Variants in MIER2 observed in about 807,000 individuals in gnomAD.
MIER2 encodes mesoderm induction early response protein 2.
A neutral mutation model predicts 67.6 loss-of-function variants in MIER2; 30 were observed. The observed-to-expected ratio is 0.44, with a 90% CI of 0.33 to 0.60. The LOEUF is 0.60. Ranked by LOEUF, MIER2 falls within the 20% of genes least tolerant of loss-of-function variation. MIER2 has a pLI of 0.02. For synonymous variants in MIER2, 372 were observed against 312.6 expected (o/e 1.19, Z -2.00); for missense variants, 702 against 745.1 (o/e 0.94, Z 0.67).
chr19:306,844 G>T, intron 13 of MIER2, 133 bp from the exon 14 acceptor site: 1 of 1,406,188 alleles, frequency 7.1e-7, no homozygotes, highest in Non-Finnish European at 9.8e-7. Flanking sequence ...CCGGGCCCGG[G>T]GTGCCCTGAG....
At chr19:344,710 C>A in intron 1 of MIER2, 64 bp downstream of exon 1, 1 of 1,054,334 alleles carries the variant, frequency 9.5e-7, no homozygotes, top group Non-Finnish European at 1.2e-6. Flanking sequence ...GAGGCCGAGC[C>A]ACGGCGGCGG....
chr19:326,584 CA>C lies in MIER2; in HGVS notation c.507del (p.Asp170MetfsTer43). 6.2e-7 allele frequency: 1 copy of C among 1,614,084 alleles called. No homozygotes were observed. Among genetic ancestry groups the C allele is most frequent in the Non-Finnish European group, 8.5e-7 (1 of 1,179,960 alleles). On this transcript the variant is annotated frameshift_variant, in exon 6 of 14. Transcript: ENST00000264819. LOFTEE classifies it high-confidence loss of function. ...FPNRSGSRFL[A>X]DEDREPGSSA... ...GAAGAGCCAGGCTCTCTGTCTTCAT[CA>C]GCCAGGAAACGAGCTTTGGGAAAAC... is the stretch of plus-strand genomic sequence containing the variant.
At chr19:329,291 A>G (rs1255803149) in intron 3 of MIER2, among the ~76,000 whole-genome samples, 1 of 152,216 alleles carries the variant, frequency 6.6e-6, no homozygotes, top group African/African-American at 2.4e-5. Flanking sequence ...GACCCCGTGG[A>G]AAGAACAGAT....
chr19:308,594 A>G lies in MIER2; in HGVS notation c.1181T>C (p.Leu394Pro), dbSNP rs2145328097. 6.2e-7 allele frequency: 1 copy of G among 1,605,946 alleles called. No homozygotes were observed. The highest frequency in any genetic ancestry group is 1.3e-5 in the African/African-American group (1 of 74,958). Residue 394 changes from leucine to proline, a missense_variant, in exon 12 of 14, where the codon CTG becomes CCG. Physicochemically the swap from Leu to Pro is moderately conservative, Grantham distance 98. Coordinates refer to ENST00000264819, the MANE Select transcript of MIER2 (RefSeq NM_017550.3). This position sits in a 1 kb window ranked among gnomAD's most constrained non-coding sequence, Gnocchi z 9.1. The part of the protein sequence containing the change: ...PGRPRPEQDT[L>P]TGMRTDPLSV... The stretch of plus-strand genomic sequence containing the variant: ...AGCCTCACCTGTGCGCATCCCAGTC[A>G]GGGTGTCTTGCTCCGGGCGCGGACG...
intron 2 of MIER2, among the ~76,000 whole-genome samples, chr19:335,268 G>A (rs1279231853): frequency 6.6e-6 from 1 of 152,228 alleles, no homozygotes; most frequent in African/African-American, 2.4e-5. Context: ...TCCAGGGCAC[G>A]AGGCCTCTAG....
At chr19:320,874 G>A (rs775805321) in intron 7 of MIER2, among the ~76,000 whole-genome samples, 7 of 152,206 alleles carry the variant, frequency 4.6e-5, no homozygotes, top group African/African-American at 7.2e-5. Context: ...CAGAGCTTGC[G>A]CCTGAGTGGA....
Position 306,612 on chromosome 19 carries a change from T to A in MIER2, c.*78A>T, listed in dbSNP as rs951526960. 6.5e-7 allele frequency: 1 copy of A among 1,536,512 alleles called. No homozygotes were observed. The highest frequency in any genetic ancestry group is 8.8e-7 in the Non-Finnish European group (1 of 1,135,396). ...CAAGGCCCGGGGGGTGGGGAAGGGG[T>A]CAGGAAGACTGACAGAGGCGGGCCC... On this transcript the variant is annotated 3_prime_UTR_variant, in exon 14 of 14. Transcript: ENST00000264819.
rs1355522549 is a variant in MIER2, at chr19:308,404, G to C, written c.1198+173C>G. 6.6e-6 allele frequency among the ~76,000 whole-genome samples: 1 copy of C among 152,146 alleles called. No homozygotes were observed. The highest frequency in any genetic ancestry group is 2.4e-5 in the African/African-American group (1 of 41,430). On this transcript the variant is annotated intron_variant, in intron 12 of 13. Transcript: ENST00000264819. The surrounding 1 kb of genome is among the most constrained non-coding windows in gnomAD (Gnocchi z 9.1). ...CCCTGCCCTCCCCTCTCCCAGCCAG[G>C]TGTACAGAGCGGCATCCACATCACG... is the stretch of plus-strand genomic sequence containing the variant.
intron 7 of MIER2, among the ~76,000 whole-genome samples, chr19:321,562 T>C (rs984817454): frequency 6.6e-6 from 1 of 151,958 alleles, no homozygotes; most frequent in African/African-American, 2.4e-5. Flanking sequence ...GAGAACTGCT[T>C]GAATCCAGGA....
rs1435083219 is a variant in MIER2, at chr19:307,369, G to C, written c.1366C>G (p.Gln456Glu). The stretch of plus-strand genomic sequence containing the variant: ...GGCTCCGGAGCAGTGACAGCTGGCT[G>C]GTATGAGGCTGGGTCGGCCAGGGCT... ...PPALADPASY[Q>E]PAVTAPEPDA... Residue 456 changes from glutamine (Q) to glutamate (E), a missense_variant, in exon 13 of 14, where the codon CAG (glutamine) becomes GAG (glutamate). Physicochemically the swap from Gln to Glu is conservative, Grantham distance 29. This residue lies in a region of MIER2 where 254 missense variants were observed against 262.8 expected (regional missense o/e 0.97). Coordinates refer to ENST00000264819, the MANE Select transcript of MIER2 (RefSeq NM_017550.3). 3 of 1,606,766 alleles carry C rather than the reference G, an allele frequency of 1.9e-6. No individual in the cohort carries two copies. The highest frequency in any genetic ancestry group is 2.7e-5 in the African/African-American group (2 of 74,888).
intron 7 of MIER2, among the ~76,000 whole-genome samples, chr19:323,749 C>A (rs1308639823): frequency 6.6e-6 from 1 of 152,070 alleles, no homozygotes; most frequent in East Asian, 1.9e-4. Context: ...GACGTCATCA[C>A]AATGCAATAC....
chr19:320,987 G>A (rs1971479301), intron 7 of MIER2, among the ~76,000 whole-genome samples: 1 of 152,172 alleles, frequency 6.6e-6, no homozygotes, highest in Admixed American at 6.5e-5. Context: ...AATCCGTCAA[G>A]TAGCCGACAC....
At chr19:306,787 G>A (rs551671742) in intron 13 of MIER2, 76 bp from the exon 14 acceptor site, 12 of 1,539,660 alleles carry the variant, frequency 7.8e-6, no homozygotes, top group African/African-American at 2.7e-5. Flanking sequence ...AGTGCTGAGC[G>A]CTGGACTCGA....
chr19:318,429 G>A (rs886651291), intron 7 of MIER2, among the ~76,000 whole-genome samples: 5 of 152,158 alleles, frequency 3.3e-5, no homozygotes, highest in Non-Finnish European at 5.9e-5. Flanking sequence ...TAACGTGTAT[G>A]CACTTAACAC....
intron 10 of MIER2, among the ~76,000 whole-genome samples, chr19:311,617 G>A (rs1440021181): frequency 1.3e-5 from 2 of 152,142 alleles, no homozygotes; most frequent in Non-Finnish European, 2.9e-5. Context: ...TTCAGCTTTT[G>A]CCACATTCTT....
intron 10 of MIER2, among the ~76,000 whole-genome samples, chr19:310,928 C>T (rs1568217080): frequency 6.6e-6 from 1 of 152,222 alleles, no homozygotes; most frequent in Non-Finnish European, 1.5e-5. Flanking sequence ...ACTCCAGCCA[C>T]ACCTCGCCCC....
chr19:344,763 C>G lies in MIER2; in HGVS notation c.9+11G>C. The G allele has an allele frequency of 6.7e-6, 8 of 1,185,576 alleles. No homozygotes were observed. Among genetic ancestry groups the G allele is most frequent in the Middle Eastern group, 6.8e-4 (2 of 2,958 alleles). 73.4% of individuals were successfully genotyped at this position (1,185,576 alleles called of 1,614,324 possible). ...GGGCGGGGGGCCGGCTCCCCCGGCCCGCTCACTCACCTCCGCCATGGCCGT... is the reference window on the plus strand; with the variant it reads ...GGGCGGGGGGCCGGCTCCCCCGGCCGGCTCACTCACCTCCGCCATGGCCGT... On this transcript the variant is annotated intron_variant, in intron 1 of 13. Coordinates refer to ENST00000264819, the MANE Select transcript of MIER2 (RefSeq NM_017550.3).
chr19:331,874 G>A (rs936350101), intron 3 of MIER2, among the ~76,000 whole-genome samples: 20 of 150,190 alleles, frequency 1.3e-4, no homozygotes, highest in African/African-American at 3.7e-4. Flanking sequence ...CCAGCTACTC[G>A]GGAGGCTGAG....
At chr19:339,626 G>C (rs1008035040) in intron 1 of MIER2, among the ~76,000 whole-genome samples, 2 of 152,178 alleles carry the variant, frequency 1.3e-5, no homozygotes, top group African/African-American at 4.8e-5. Flanking sequence ...ACAAAACAAA[G>C]CACTAGCAAC....
Sources: allele counts gnomAD v4.1 joint callset (sites outside exome capture counted in the v4.1 genomes callset), GRCh38; gene constraint gnomAD v4.1.1; regional missense constraint gnomAD v4.1.1; non-coding constraint Gnocchi (gnomAD v3.1); transcripts MANE v1.5; gene names NCBI Gene and HGNC (gene_info 2026-07-23, HGNC 2026-07-21).